Variants in TRMT2B observed in about 807,000 individuals in gnomAD.
TRMT2B encodes tRNA methyltransferase 2B.
In TRMT2B, 34 loss-of-function variants were observed where a neutral mutation model predicts 39.7. That is an observed-to-expected ratio of 0.86 (90% confidence interval 0.65 to 1.14). The LOEUF (loss-of-function observed/expected upper bound fraction) is 1.14. TRMT2B is among the 50% of genes most tolerant of loss of function. The pLI is 0.00. For synonymous variants in TRMT2B, 132 were observed against 137.3 expected, an observed-to-expected ratio of 0.96 and a Z score of 0.27; for missense variants, 318 against 377.2, an observed-to-expected ratio of 0.84 and a Z score of 1.30.
chrX:101,050,711 T>G (rs2089017718), intron 2 of TRMT2B, among the ~76,000 whole-genome samples: 1 of 103,373 alleles, frequency 9.7e-6, no homozygotes, highest in Non-Finnish European at 2.0e-5. Flanking sequence ...GCAACAAGAG[T>G]GAAACTCTGT....
the TRMT2B span, among the ~76,000 whole-genome samples, chrX:100,981,398 C>T: frequency 7.6e-4 from 85 of 111,237 alleles, no homozygotes; most frequent in Non-Finnish European, 1.4e-3. Context: ...CTCTCTCTTT[C>T]AAGCACAGAT....
chrX:101,023,846 T>TTTTTTTA (rs1360104869), intron 7 of TRMT2B, among the ~76,000 whole-genome samples: 4 of 111,134 alleles, frequency 3.6e-5, no homozygotes, highest in African/African-American at 9.8e-5. Context: ...ACTGATGTCC[T>TTTTTTTA]TTTTTTATTT....
the TRMT2B span, among the ~76,000 whole-genome samples, chrX:100,996,575 C>T: frequency 1.8e-5 from 2 of 111,818 alleles, no homozygotes; most frequent in Non-Finnish European, 3.8e-5. Context: ...CGTTCCTCTT[C>T]CTCCCCTCGC....
Position 101,038,054 on chromosome X carries a change from G to A in TRMT2B, c.304-3C>T. ...TTCTTCTGAGCTGCAAATTTCACCT[G>A]CAAAAGAATATAAGCTATGAAACGA... On this transcript the variant is annotated splice_region_variant and splice_polypyrimidine_tract_variant and intron_variant, in intron 4 of 13. Coordinates refer to ENST00000372936, the MANE Select transcript of TRMT2B (RefSeq NM_024917.6). 1 of 1,208,784 alleles carries A rather than the reference G, an allele frequency of 8.3e-7. No homozygotes were observed. The highest frequency in any genetic ancestry group is 1.1e-6 in the Non-Finnish European group (1 of 893,867).
intron 7 of TRMT2B, among the ~76,000 whole-genome samples, chrX:101,032,284 C>CA (rs1029254879): frequency 2.0e-5 from 2 of 100,407 alleles, no homozygotes; most frequent in African/African-American, 3.7e-5. Flanking sequence ...AGACCCCTCT[C>CA]AAAAAAAAAT....
intron 13 of TRMT2B, among the ~76,000 whole-genome samples, chrX:101,018,158 T>C (rs1163466728): frequency 9.1e-6 from 1 of 110,481 alleles, no homozygotes; most frequent in Non-Finnish European, 1.9e-5. Context: ...CTGGGCAACA[T>C]AGTGAGACCT....
the TRMT2B span, among the ~76,000 whole-genome samples, chrX:100,983,863 A>G: frequency 2.7e-5 from 3 of 111,454 alleles, no homozygotes; most frequent in Non-Finnish European, 5.6e-5. Flanking sequence ...CAAAGACCCA[A>G]AAGTATATTA....
intron 7 of TRMT2B, among the ~76,000 whole-genome samples, chrX:101,029,573 A>G (rs2087324562): frequency 9.0e-6 from 1 of 111,597 alleles, no homozygotes; most frequent in Non-Finnish European, 1.9e-5. Flanking sequence ...TGTCTCCCCC[A>G]CAACTAAAAT....
chrX:101,004,070 T>C, the TRMT2B span, among the ~76,000 whole-genome samples: 1 of 111,384 alleles, frequency 9.0e-6, no homozygotes, highest in East Asian at 2.8e-4. Context: ...GGTAAAACCA[T>C]GGCTCACTGC....
intron 4 of TRMT2B, among the ~76,000 whole-genome samples, chrX:101,041,076 C>T (rs1290741452): frequency 2.7e-5 from 3 of 111,172 alleles, no homozygotes; most frequent in East Asian, 2.8e-4. Context: ...TGGTGGCGCA[C>T]GCTTGTAATC....
chrX:101,040,292 TAAAA>T (rs59255183), intron 4 of TRMT2B, among the ~76,000 whole-genome samples: 1 of 90,552 alleles, frequency 1.1e-5, no homozygotes. Flanking sequence ...AGACTCTATT[TAAAA>T]AAAAAAAAAA....
chrX:101,018,909 C>T lies in TRMT2B; in HGVS notation c.1388+62G>A, dbSNP rs2086659570. On this transcript the variant is annotated intron_variant, in intron 13 of 13. Coordinates refer to ENST00000372936, the MANE Select transcript of TRMT2B (RefSeq NM_024917.6). ...TCAAATCACTTTCCAATTGTGTGTA[C>T]AATAAGCATGAATGGCTTTGATAAT... is the stretch of plus-strand genomic sequence containing the variant. The T allele has an allele frequency of 4.0e-6, 3 of 751,474 alleles. No individual in the cohort carries two copies. In the African/African-American group the frequency reaches 6.1e-5, roughly 15 times the overall value. The allele number at this position is 751,474 out of a possible 1,213,427, so 61.9% of individuals were successfully genotyped here. A position where few individuals can be genotyped will look rare whatever the true frequency, so the allele number is the denominator to read the frequency against.
chrX:101,041,371 C>G lies in TRMT2B; in HGVS notation c.249G>C (p.Arg83Ser). Residue 83 changes from arginine to serine, a missense_variant and splice_region_variant, in exon 4 of 14, where the codon AGG (arginine) becomes AGC (serine). Arg to Ser is a moderately radical substitution (Grantham distance 110, BLOSUM62 -1). Coordinates refer to ENST00000372936, the MANE Select transcript of TRMT2B (RefSeq NM_024917.6). ...AGAGTGGTGTCACAACATCAGCCAG[C>G]CTTGAATAAAATAATTCAGGCAATT... is the stretch of plus-strand genomic sequence containing the variant. ...LGPLDGSWQE[R>S]LADVVTPLWR... 1 of 1,205,783 alleles carries G rather than the reference C, an allele frequency of 8.3e-7. No individual in the cohort carries two copies. Among genetic ancestry groups the G allele is most frequent in the East Asian group, 3.0e-5 (1 of 33,754 alleles).
intron 13 of TRMT2B, among the ~76,000 whole-genome samples, 162 bp downstream of exon 13, chrX:101,018,809 C>T (rs2086654344): frequency 8.9e-6 from 1 of 111,913 alleles, no homozygotes; most frequent in Admixed American, 9.6e-5. Flanking sequence ...CATCCCTGAC[C>T]CAGCCCTGTA....
downstream of TRMT2B, among the ~76,000 whole-genome samples, chrX:101,005,880 C>CA (rs370275736): frequency 4.3e-3 from 278 of 64,124 alleles, 1 homozygote; most frequent in East Asian, 0.021. Flanking sequence ...GATTCCCACT[C>CA]AAAAAAAAAA....
intron 7 of TRMT2B, among the ~76,000 whole-genome samples, chrX:101,026,531 G>A (rs182136588): frequency 2.3e-3 from 246 of 108,498 alleles, no homozygotes; most frequent in African/African-American, 7.8e-3. Flanking sequence ...TTGAAAAACT[G>A]AGCTTGACCT....
chrX:101,026,475 CAAAA>C (rs55926567), intron 7 of TRMT2B, among the ~76,000 whole-genome samples: 18 of 64,135 alleles, frequency 2.8e-4, no homozygotes, highest in African/African-American at 9.1e-4. Context: ...AACTCCGTCT[CAAAA>C]AAAAAAAAAA....
intron 2 of TRMT2B, 121 bp from the exon 3 acceptor site, chrX:101,042,433 AG>A: frequency 1.3e-6 from 1 of 751,414 alleles, no homozygotes; most frequent in South Asian, 3.0e-5. Context: ...CACAGCAGAC[AG>A]TAAAAGCAAG....
At chrX:101,016,009 G>A (rs924492227) in intron 13 of TRMT2B, among the ~76,000 whole-genome samples, 1 of 111,385 alleles carries the variant, frequency 9.0e-6, no homozygotes, top group Non-Finnish European at 1.9e-5. Flanking sequence ...GGTGGAGGTT[G>A]CAGTGAGCCA....
Sources: gnomAD v4.1 joint callset for allele counts (sites outside exome capture counted in the v4.1 genomes callset) on GRCh38, gnomAD v4.1.1 for gene constraint, MANE v1.5 for transcripts, NCBI Gene and HGNC (gene_info 2026-07-23, HGNC 2026-07-21) for gene names.